DDHD1: variants seen among roughly 807,000 people sequenced by gnomAD.
DDHD1 encodes the protein DDHD domain containing 1.
DDHD1 carries 49 observed loss-of-function variants against 96.4 expected under a neutral mutation model. The observed-to-expected ratio is 0.51, with a 90% confidence interval of 0.40 to 0.64. The LOEUF (loss-of-function observed/expected upper bound fraction) is 0.64, where lower values mean the gene tolerates loss of function less well. Ranked by LOEUF, DDHD1 falls within the 30% of genes least tolerant of loss-of-function variation. The pLI is 0.00. For missense variants in DDHD1, 1,106 were observed against 1,161.2 expected, an observed-to-expected ratio of 0.95 and a Z score of 0.69; for synonymous variants, 442 against 446.5, an observed-to-expected ratio of 0.99 and a Z score of 0.13.
chr14:53,146,392 T>C (rs1222510962), intron 1 of DDHD1, among the ~76,000 whole-genome samples: 1 of 149,720 alleles, frequency 6.7e-6, no homozygotes, highest in Non-Finnish European at 1.5e-5. Flanking sequence ...TACTCCCAGC[T>C]ACTAGGGAGG....
At chr14:53,078,349 G>A (rs561809612) in intron 4 of DDHD1, among the ~76,000 whole-genome samples, 29 of 152,194 alleles carry the variant, frequency 1.9e-4, no homozygotes, top group South Asian at 1.5e-3. Flanking sequence ...AAGTGGTAGC[G>A]TTCAAGGTCA....
chr14:53,152,121 C>CGGAGTG, intron 1 of DDHD1, 140 bp downstream of exon 1: 7 of 854,916 alleles, frequency 8.2e-6, no homozygotes, highest in South Asian at 4.4e-5. Context: ...ACGCTCCCTG[C>CGGAGTG]TCAATCTCCA....
chr14:53,149,576 C>G (rs924050875), intron 1 of DDHD1, among the ~76,000 whole-genome samples: 5 of 152,164 alleles, frequency 3.3e-5, no homozygotes, highest in Non-Finnish European at 7.3e-5. Context: ...TGGCAAATTA[C>G]AGGATAGACA....
At chr14:53,113,621 A>T (rs1888309196) in intron 1 of DDHD1, among the ~76,000 whole-genome samples, 1 of 151,716 alleles carries the variant, frequency 6.6e-6, no homozygotes. Flanking sequence ...CTTCCACTTC[A>T]CCTGGGAAGC....
intron 1 of DDHD1, among the ~76,000 whole-genome samples, chr14:53,133,605 C>G (rs1478051948): frequency 5.3e-5 from 8 of 152,192 alleles, no homozygotes; most frequent in Non-Finnish European, 1.2e-4. Context: ...ACTTTTACCA[C>G]TTGCCCTTCT....
chr14:53,069,127 T>A (rs1884301184), intron 6 of DDHD1, among the ~76,000 whole-genome samples: 1 of 152,204 alleles, frequency 6.6e-6, no homozygotes, highest in Admixed American at 6.5e-5. Context: ...TCTTGTGACC[T>A]ACCCCATGAT....
chr14:53,101,877 G>C (rs1337856542), intron 2 of DDHD1, among the ~76,000 whole-genome samples: 1 of 151,680 alleles, frequency 6.6e-6, no homozygotes, highest in Non-Finnish European at 1.5e-5. Flanking sequence ...AGAAGAAACA[G>C]AGCTGATTAT....
At chr14:53,072,457 T>C (rs1292457606) in intron 6 of DDHD1, 140 bp downstream of exon 6, 3 of 434,940 alleles carry the variant, frequency 6.9e-6, no homozygotes, top group Non-Finnish European at 1.2e-5. Flanking sequence ...CTATCAAATT[T>C]ATTAAAAGTA....
At chr14:53,086,597 G>C (rs1332738305) in intron 4 of DDHD1, among the ~76,000 whole-genome samples, 9 of 151,992 alleles carry the variant, frequency 5.9e-5, no homozygotes, top group Non-Finnish European at 1.0e-4. Flanking sequence ...AGACAAGCAA[G>C]TGCTGAGAGA....
intron 2 of DDHD1, among the ~76,000 whole-genome samples, chr14:53,102,596 T>C (rs989883988): frequency 2.0e-5 from 3 of 152,080 alleles, no homozygotes; most frequent in African/African-American, 7.2e-5. Context: ...ATATTTTAAT[T>C]TGATATAAGC....
chr14:53,118,671 C>T (rs775246461), intron 1 of DDHD1, among the ~76,000 whole-genome samples: 5 of 151,856 alleles, frequency 3.3e-5, no homozygotes, highest in Non-Finnish European at 7.4e-5. Flanking sequence ...GTGAAAAGAC[C>T]AAATCTATGT....
intron 1 of DDHD1, among the ~76,000 whole-genome samples, chr14:53,120,507 A>G (rs1327849898): frequency 6.6e-6 from 1 of 152,214 alleles, no homozygotes; most frequent in Non-Finnish European, 1.5e-5. Context: ...CCTAAGCAAA[A>G]GAACAAATCT....
chr14:53,128,261 G>A (rs1420634045), intron 1 of DDHD1, among the ~76,000 whole-genome samples: 1 of 152,160 alleles, frequency 6.6e-6, no homozygotes, highest in African/African-American at 2.4e-5. Flanking sequence ...CTAATATATG[G>A]AGACTAAGGA....
In DDHD1 at chr14:53,094,831, G is replaced by C. The variant is rs534024843; in HGVS notation, c.1013-1387C>G. Among the ~76,000 whole-genome samples the C allele has an allele frequency of 6.7e-4, 85 of 127,058 alleles. 1 individual carries two copies. Among genetic ancestry groups the C allele is most frequent in the Non-Finnish European group, 1.2e-3 (72 of 61,908 alleles). 83.4% of individuals were successfully genotyped at this position (127,058 alleles called of 152,430 possible). A position where few individuals can be genotyped will look rare whatever the true frequency, so the allele number is the denominator to read the frequency against. On this transcript the variant is annotated intron_variant, in intron 2 of 12. Coordinates refer to ENST00000673822, the MANE Select transcript of DDHD1 (RefSeq NM_001160148.2). ...TGCACTCTAGCCTGGGCAACACAGAGAGATCCTGTCTCAAAAAAAAAAAAA... is the reference window on the plus strand; with the variant it reads ...TGCACTCTAGCCTGGGCAACACAGACAGATCCTGTCTCAAAAAAAAAAAAA...
chr14:53,130,191 C>T (rs10145922), intron 1 of DDHD1, among the ~76,000 whole-genome samples: 109,684 of 151,988 alleles, frequency 0.72, 42,839 homozygotes, highest in East Asian at 0.96. Flanking sequence ...CTCCTCACAC[C>T]CGGTCTAGAT....
In DDHD1 at chr14:53,073,814, C is replaced by T. The variant is rs377387241; in HGVS notation, c.1323G>A (p.Arg441=). The change falls in exon 5 of 13, where the codon AGG becomes AGA. Residue 441 remains arginine, a synonymous_variant. Coordinates refer to ENST00000673822, the MANE Select transcript of DDHD1 (RefSeq NM_001160148.2). The part of the protein sequence containing the change: ...MREAARKIEE[R]HFSNHATHVE... ...CATGTGTTGCATGGTTGGAAAAATG[C>T]CTTTCTTCTATTTTTCTTGCAGCTT... The T allele has an allele frequency of 3.1e-6, 5 of 1,610,158 alleles. No individual in the cohort carries two copies. The highest frequency in any genetic ancestry group is 2.7e-5 in the African/African-American group (2 of 74,696).
intron 4 of DDHD1, among the ~76,000 whole-genome samples, chr14:53,082,138 C>T (rs1222666288): frequency 1.3e-5 from 2 of 152,140 alleles, no homozygotes; most frequent in Non-Finnish European, 2.9e-5. Context: ...TACTGTGCTG[C>T]TATGCATGCA....
At chr14:53,054,402 A>G (rs776008598) in intron 11 of DDHD1, 36 bp downstream of exon 11, 2 of 1,584,446 alleles carry the variant, frequency 1.3e-6, no homozygotes, top group East Asian at 4.5e-5. Context: ...TTAAAAAGAT[A>G]CAGTATCAAC....
At chr14:53,084,701 C>A (rs1885779226) in intron 4 of DDHD1, among the ~76,000 whole-genome samples, 1 of 152,180 alleles carries the variant, frequency 6.6e-6, no homozygotes, top group Admixed American at 6.5e-5. Flanking sequence ...CAGCTCCCAG[C>A]TTGATCGATG....
Sources: gnomAD v4.1 joint callset for allele counts (sites outside exome capture counted in the v4.1 genomes callset) on GRCh38, gnomAD v4.1.1 for gene constraint, MANE v1.5 for transcripts, NCBI Gene and HGNC (gene_info 2026-07-23, HGNC 2026-07-21) for gene names.